Variants in LPP observed in about 807,000 individuals in gnomAD.
The protein encoded by LPP is lipoma-preferred partner.
Under a neutral mutation model 60.4 loss-of-function variants are expected in LPP, and 38 were observed. The ratio of observed to expected loss-of-function variants is 0.63; its 90% CI spans 0.49 to 0.83. The LOEUF is 0.83. Among genes scored for constraint, LPP ranks in the 40% least tolerant of loss-of-function variants. The pLI is 0.00. For missense variants in LPP, 902 were observed against 783.6 expected (o/e 1.15, Z -1.80); for synonymous variants, 328 against 290.8 (o/e 1.13, Z -1.30).
chr3:188,717,272 G>GT, intron 8 of LPP, among the ~76,000 whole-genome samples: 1 of 152,354 alleles, frequency 6.6e-6, no homozygotes, highest in Admixed American at 6.5e-5. Context: ...CATACTTCAT[G>GT]TTTTAGCTTT....
chr3:188,865,728 A>G (rs769904357), intron 9 of LPP, among the ~76,000 whole-genome samples: 12 of 152,072 alleles, frequency 7.9e-5, no homozygotes, highest in Non-Finnish European at 1.8e-4. Flanking sequence ...AAGCATGCCC[A>G]TATGCTTGCA....
intron 4 of LPP, among the ~76,000 whole-genome samples, chr3:188,431,616 T>C (rs1358144618): frequency 6.6e-6 from 1 of 152,148 alleles, no homozygotes; most frequent in African/African-American, 2.4e-5. Flanking sequence ...TGGCAATTAC[T>C]GTACAAGACA....
intron 9 of LPP, among the ~76,000 whole-genome samples, chr3:188,812,664 T>C (rs1751330866): frequency 6.6e-6 from 1 of 152,118 alleles, no homozygotes; most frequent in South Asian, 2.1e-4. Flanking sequence ...TAGATGTAAT[T>C]ATTAAATAAA....
At chr3:188,554,366 C>G (rs1828962239) in intron 6 of LPP, among the ~76,000 whole-genome samples, 1 of 152,126 alleles carries the variant, frequency 6.6e-6, no homozygotes, top group Non-Finnish European at 1.5e-5. Context: ...GAGCTGACAA[C>G]AGCAAGATAT....
At chr3:188,438,394 C>T (rs2149229395) in intron 4 of LPP, among the ~76,000 whole-genome samples, 1 of 150,470 alleles carries the variant, frequency 6.6e-6, no homozygotes, top group African/African-American at 2.5e-5. Context: ...CACACACACA[C>T]ACACACAGTC....
rs192676015 is a variant in LPP, at chr3:188,707,836, A to G, written c.1114-431A>G. Among the ~76,000 whole-genome samples, 1,105 of 152,270 alleles carry G rather than the reference A, an allele frequency of 7.3e-3. 4 individuals carry two copies. The highest frequency in any genetic ancestry group is 0.011 in the Non-Finnish European group (721 of 68,022). On this transcript the variant is annotated intron_variant, in intron 7 of 11. Coordinates refer to ENST00000617246, the MANE Select transcript of LPP (RefSeq NM_001375462.1). ...CTCTTCAGGAAGTCCGTCGCGGGCTATGCGAGAGGTCCCACCTTATACCCT... is the reference window on the plus strand; with the variant it reads ...CTCTTCAGGAAGTCCGTCGCGGGCTGTGCGAGAGGTCCCACCTTATACCCT...
At chr3:188,459,158 C>T (rs778347928) in intron 4 of LPP, among the ~76,000 whole-genome samples, 3 of 151,898 alleles carry the variant, frequency 2.0e-5, no homozygotes, top group Non-Finnish European at 4.4e-5. Flanking sequence ...TGAAATAGGC[C>T]CAAGTTTATT....
intron 2 of LPP, among the ~76,000 whole-genome samples, chr3:188,314,144 T>G (rs149538979): frequency 1.3e-5 from 2 of 152,336 alleles, no homozygotes; most frequent in Non-Finnish European, 2.9e-5. Flanking sequence ...ATAGTAAATA[T>G]TAAATAACTG....
At chr3:188,203,516 A>AT (rs1732002625) in intron 1 of LPP, among the ~76,000 whole-genome samples, 3 of 64,506 alleles carry the variant, frequency 4.7e-5, no homozygotes, top group African/African-American at 1.7e-4. Context: ...TATATATTTA[A>AT]ATATATATAA....
chr3:188,702,233 G>C (rs1253629867), intron 7 of LPP, among the ~76,000 whole-genome samples: 1 of 151,804 alleles, frequency 6.6e-6, no homozygotes, highest in Non-Finnish European at 1.5e-5. Flanking sequence ...TGGGATTATA[G>C]GCGTAAGCCA....
intron 3 of LPP, among the ~76,000 whole-genome samples, chr3:188,367,707 C>A (rs1030954624): frequency 9.9e-5 from 15 of 152,212 alleles, no homozygotes; most frequent in African/African-American, 3.6e-4. Context: ...GGTCAAATCA[C>A]TGTGGGACTC....
intron 2 of LPP, among the ~76,000 whole-genome samples, chr3:188,333,079 A>G (rs557161747): frequency 5.0e-4 from 76 of 152,344 alleles, no homozygotes; most frequent in Non-Finnish European, 7.6e-4. Flanking sequence ...AAGAATAACA[A>G]TGTAAGTACA....
chr3:188,837,786 A>AT (rs1167515369), intron 9 of LPP, among the ~76,000 whole-genome samples: 1 of 152,158 alleles, frequency 6.6e-6, no homozygotes, highest in Admixed American at 6.6e-5. Flanking sequence ...GCCTTAAGAA[A>AT]TATAAAGGTG....
At chr3:188,203,511 A>ATT (rs532663137) in intron 1 of LPP, among the ~76,000 whole-genome samples, 1,620 of 53,982 alleles carry the variant, frequency 0.03, 57 homozygotes, top group South Asian at 0.091. Context: ...AAATATATAT[A>ATT]TTTAAATATA....
chr3:188,615,052 T>C (rs933380982), intron 7 of LPP, among the ~76,000 whole-genome samples: 2 of 152,228 alleles, frequency 1.3e-5, no homozygotes, highest in Non-Finnish European at 2.9e-5. Context: ...GGGTTTCCTC[T>C]GGCAGTCATC....
In LPP at chr3:188,609,294, C is replaced by T. The variant is rs752998619; in HGVS notation, c.563C>T (p.Ala188Val). ...TTGAAACCACAGCCTGCACCCCAGG[C>T]TGGACCCATCCCTGTGGCTCCAATC... Reference protein sequence around the residue: ...STLKPQPAPQAGPIPVAPIGT... With the variant: ...STLKPQPAPQVGPIPVAPIGT... Residue 188 changes from alanine to valine, a missense_variant, in exon 7 of 12, where the codon GCT (alanine) becomes GTT (valine). Coordinates refer to ENST00000617246, the MANE Select transcript of LPP (RefSeq NM_001375462.1). This position sits in a 1 kb window ranked among gnomAD's most constrained non-coding sequence, Gnocchi z 6.9. The T allele has an allele frequency of 6.2e-7, 1 of 1,614,114 alleles. No homozygotes were observed. Among genetic ancestry groups the T allele is most frequent in the Non-Finnish European group, 8.5e-7 (1 of 1,180,014 alleles).
At chr3:188,188,814 C>A (rs1396585087) in intron 1 of LPP, among the ~76,000 whole-genome samples, 1 of 152,100 alleles carries the variant, frequency 6.6e-6, no homozygotes, top group Non-Finnish European at 1.5e-5. Context: ...CTTCATCAGG[C>A]TAGCAACATT....
At chr3:188,834,723 G>A (rs1757977129) in intron 9 of LPP, among the ~76,000 whole-genome samples, 1 of 152,186 alleles carries the variant, frequency 6.6e-6, no homozygotes, top group African/African-American at 2.4e-5. Flanking sequence ...TTTCTGAAAT[G>A]AATTAATGTT....
intron 3 of LPP, among the ~76,000 whole-genome samples, chr3:188,364,236 T>C (rs1240723685): frequency 2.6e-5 from 4 of 152,218 alleles, no homozygotes; most frequent in Non-Finnish European, 5.9e-5. Context: ...ATATATTGCA[T>C]TGTGTTTGGA....
Sources: allele counts gnomAD v4.1 joint callset (sites outside exome capture counted in the v4.1 genomes callset), GRCh38; gene constraint gnomAD v4.1.1; non-coding constraint Gnocchi (gnomAD v3.1); transcripts MANE v1.5; gene names NCBI Gene and HGNC (gene_info 2026-07-23, HGNC 2026-07-21).